Variants in LHFPL4 observed in about 807,000 individuals in gnomAD.
LHFPL4 encodes the protein LHFPL tetraspan subfamily member 4 protein.
A neutral mutation model predicts 20.0 loss-of-function variants in LHFPL4; 6 were observed. The observed-to-expected ratio is 0.30, with a 90% CI of 0.16 to 0.59. The LOEUF is 0.59. Ranked by LOEUF, LHFPL4 falls within the 20% of genes least tolerant of loss-of-function variation. The pLI, the probability that LHFPL4 is intolerant of heterozygous loss-of-function variation, is 0.88. For missense variants in LHFPL4, 215 were observed against 331.2 expected (o/e 0.65, Z 2.72); for synonymous variants, 129 against 143.8 (o/e 0.90, Z 0.74).
chr3:9,522,952 A>T (rs963629560), intron 2 of LHFPL4, among the ~76,000 whole-genome samples: 4 of 149,692 alleles, frequency 2.7e-5, no homozygotes, highest in African/African-American at 9.8e-5. Context: ...GAGGCAGGAG[A>T]ATGGTGTGAA....
At chr3:9,504,475 C>T (rs897979839) in intron 3 of LHFPL4, among the ~76,000 whole-genome samples, 2 of 151,970 alleles carry the variant, frequency 1.3e-5, no homozygotes, top group Non-Finnish European at 2.9e-5. Context: ...TCCATCATAA[C>T]CACAGATGAC....
intron 2 of LHFPL4, among the ~76,000 whole-genome samples, chr3:9,511,369 A>G (rs2046260087): frequency 6.6e-6 from 1 of 151,476 alleles, no homozygotes; most frequent in Non-Finnish European, 1.5e-5. Context: ...AAAAAATGCC[A>G]TGAGGTGGGA....
intron 2 of LHFPL4, among the ~76,000 whole-genome samples, chr3:9,508,455 G>A (rs536664469): frequency 6.6e-6 from 1 of 152,326 alleles, no homozygotes; most frequent in African/African-American, 2.4e-5. Flanking sequence ...AAAGTCCTGC[G>A]GCGGGAACAA....
At chr3:9,517,069 C>A (rs1408741842) in intron 2 of LHFPL4, among the ~76,000 whole-genome samples, 1 of 152,018 alleles carries the variant, frequency 6.6e-6, no homozygotes, top group Admixed American at 6.5e-5. Flanking sequence ...GCATGAGGCA[C>A]CATGCCCAGC....
At chr3:9,533,227 A>T (rs1386395441) in intron 2 of LHFPL4, among the ~76,000 whole-genome samples, 1 of 152,196 alleles carries the variant, frequency 6.6e-6, no homozygotes, top group African/African-American at 2.4e-5. Flanking sequence ...CCCCAGCTGA[A>T]CTGTGTAGAT....
chr3:9,540,508 C>A lies in LHFPL4; in HGVS notation c.406+11766G>T, dbSNP rs2648402. Among the ~76,000 whole-genome samples the A allele has an allele frequency of 2.6e-5, 4 of 152,228 alleles. No homozygotes were observed. The East Asian group carries it at 7.7e-4, about 29-fold the overall frequency. On this transcript the variant is annotated intron_variant, in intron 2 of 3. Transcript: ENST00000287585. Reference sequence around the variant, plus strand: ...ATGTCTGCTATCAGGACATAAAAGGCAGTGTGATAGCCAGAACAACCTTGA... The same window carrying A: ...ATGTCTGCTATCAGGACATAAAAGGAAGTGTGATAGCCAGAACAACCTTGA...
intron 2 of LHFPL4, among the ~76,000 whole-genome samples, chr3:9,511,295 G>A (rs562392438): frequency 1.3e-5 from 2 of 151,718 alleles, no homozygotes; most frequent in Admixed American, 1.3e-4. Context: ...AGCTTGCAGT[G>A]AGCGGGGATC....
intron 2 of LHFPL4, among the ~76,000 whole-genome samples, chr3:9,549,368 G>A (rs2046537893): frequency 1.3e-5 from 2 of 152,162 alleles, no homozygotes; most frequent in Admixed American, 1.3e-4. Context: ...CCCATGCTCT[G>A]CACTCAGAAG....
intron 2 of LHFPL4, among the ~76,000 whole-genome samples, chr3:9,539,344 A>G (rs936177460): frequency 2.0e-5 from 3 of 151,256 alleles, no homozygotes; most frequent in Non-Finnish European, 4.4e-5. Context: ...AGTCCCAGCT[A>G]CTTGGGAGGC....
intron 3 of LHFPL4, among the ~76,000 whole-genome samples, chr3:9,505,444 T>G (rs1365761996): frequency 6.6e-6 from 1 of 151,482 alleles, no homozygotes; most frequent in Non-Finnish European, 1.5e-5. Flanking sequence ...TAGTTTTTGT[T>G]TTTTTTTGTT....
At position 9,499,201 on chromosome 3, in the gene LHFPL4, C is replaced by G. The variant is rs2046152932; in HGVS notation, c.*3010G>C. ...TCCTCTGCTTACCTCCTCCTGAAGG[C>G]TAAAGCCAGATCGCCCGACGAGAGC... On this transcript the variant is annotated 3_prime_UTR_variant, in exon 4 of 4. Transcript: ENST00000287585. 1 of 152,402 alleles carries G rather than the reference C, an allele frequency of 6.6e-6. No individual in the cohort carries two copies. Among genetic ancestry groups the G allele is most frequent in the African/African-American group, 2.4e-5 (1 of 41,446 alleles). The allele number at this position is 152,402 out of a possible 1,614,324, so 9.4% of individuals were successfully genotyped here.
intron 2 of LHFPL4, among the ~76,000 whole-genome samples, chr3:9,507,113 T>C (rs779784991): frequency 3.9e-5 from 6 of 152,156 alleles, no homozygotes; most frequent in Non-Finnish European, 8.8e-5. Flanking sequence ...GTCAATACCA[T>C]TGTACTTACC....
rs1299110273 is a variant in LHFPL4 at position 9,506,800 on chromosome 3, C to T, written c.407-597G>A. On this transcript the variant is annotated intron_variant, in intron 2 of 3. Coordinates refer to ENST00000287585, the MANE Select transcript of LHFPL4 (RefSeq NM_198560.3). The surrounding 1 kb of genome is among the most constrained non-coding windows in gnomAD (Gnocchi z 4.5). The stretch of plus-strand genomic sequence containing the variant: ...TTCACCATGTTGGCCAGGCTGGTCT[C>T]GAACTCCTAACCTCAAGTGATCTGC... Among the ~76,000 whole-genome samples, 2 of 152,094 alleles carry T rather than the reference C, an allele frequency of 1.3e-5. No homozygotes were observed. Among genetic ancestry groups the T allele is most frequent in the African/African-American group, 2.4e-5 (1 of 41,410 alleles).
At chr3:9,520,485 C>G (rs2046330833) in intron 2 of LHFPL4, among the ~76,000 whole-genome samples, 1 of 151,970 alleles carries the variant, frequency 6.6e-6, no homozygotes, top group Admixed American at 6.6e-5. Context: ...TCCCAAGTAG[C>G]TGGGATTACA....
At chr3:9,536,782 T>C (rs2046446856) in intron 2 of LHFPL4, among the ~76,000 whole-genome samples, 1 of 151,626 alleles carries the variant, frequency 6.6e-6, no homozygotes, top group South Asian at 2.1e-4. Context: ...TGCAACATAG[T>C]GAGACCCTAT....
At chr3:9,532,324 C>T (rs1299423956) in intron 2 of LHFPL4, among the ~76,000 whole-genome samples, 2 of 150,588 alleles carry the variant, frequency 1.3e-5, no homozygotes, top group Admixed American at 6.6e-5. Context: ...CCACCGTGCC[C>T]GGCCTTGAGT....
intron 2 of LHFPL4, among the ~76,000 whole-genome samples, chr3:9,514,257 A>C (rs1420177162): frequency 6.6e-6 from 1 of 152,108 alleles, no homozygotes; most frequent in African/African-American, 2.4e-5. Context: ...GCATAGCAAG[A>C]CTCTTGTTTC....
rs374537926 is a variant in LHFPL4 at position 9,520,062 on chromosome 3, C to A, written c.407-13859G>T. 5.9e-5 allele frequency among the ~76,000 whole-genome samples: 9 copies of A among 152,190 alleles called. No homozygotes were observed. In the East Asian group the frequency reaches 1.4e-3, roughly 23 times the overall value. On this transcript the variant is annotated intron_variant, in intron 2 of 3. Transcript: ENST00000287585. ...AAATGATTGAGTTTAGATCTTTCTT[C>A]TTTTCTAATATATGCATTCTATGCT...
chr3:9,518,418 C>A (rs1328727658), intron 2 of LHFPL4, among the ~76,000 whole-genome samples: 2 of 152,140 alleles, frequency 1.3e-5, no homozygotes, highest in Non-Finnish European at 2.9e-5. Context: ...ATGCTGGCCT[C>A]ATAAAAATGA....
Sources: gnomAD v4.1 joint callset for allele counts (sites outside exome capture counted in the v4.1 genomes callset) on GRCh38, gnomAD v4.1.1 for gene constraint, Gnocchi (gnomAD v3.1) non-coding constraint, MANE v1.5 for transcripts, NCBI Gene and HGNC (gene_info 2026-07-23, HGNC 2026-07-21) for gene names.